FAM13B: variants seen among roughly 807,000 people sequenced by gnomAD.
FAM13B encodes the protein family with sequence similarity 13 member B.
FAM13B carries 60 observed loss-of-function variants against 117.3 expected under a neutral mutation model. That is an observed-to-expected ratio of 0.51 (90% CI 0.42 to 0.63). The LOEUF is 0.63. FAM13B is among the 30% of genes least tolerant of loss of function. FAM13B has a pLI of 0.00. For synonymous variants in FAM13B, 332 were observed against 356.1 expected, an observed-to-expected ratio of 0.93 and a Z score of 0.76; for missense variants, 972 against 1,091.9, an observed-to-expected ratio of 0.89 and a Z score of 1.55.
chr5:137,947,629 T>C (rs1763806263), intron 18 of FAM13B, among the ~76,000 whole-genome samples: 1 of 152,070 alleles, frequency 6.6e-6, no homozygotes, highest in Non-Finnish European at 1.5e-5. Flanking sequence ...TTGCCCAGGC[T>C]TGAGTGCAAT....
chr5:137,952,817 T>C, intron 16 of FAM13B, 108 bp from the exon 17 acceptor site: 2 of 651,460 alleles, frequency 3.1e-6, no homozygotes, highest in Non-Finnish European at 5.2e-6. Context: ...TGCTCAATTC[T>C]CATTTCATCT....
At chr5:138,050,783 C>G (rs1015858249) in intron 1 of FAM13B, among the ~76,000 whole-genome samples, 3 of 152,202 alleles carry the variant, frequency 2.0e-5, no homozygotes, top group Non-Finnish European at 2.9e-5. Context: ...GCTCTTCCCA[C>G]CCTTCCAGAC....
intron 6 of FAM13B, among the ~76,000 whole-genome samples, chr5:138,008,347 T>G (rs1043067580): frequency 3.3e-5 from 5 of 152,028 alleles, no homozygotes. Flanking sequence ...GAGACTGAGG[T>G]AGGAGAATCA....
intron 7 of FAM13B, among the ~76,000 whole-genome samples, chr5:138,002,132 A>G (rs1781419550): frequency 6.6e-6 from 1 of 152,254 alleles, no homozygotes; most frequent in Non-Finnish European, 1.5e-5. Context: ...AACAACAGAC[A>G]TGTTATACTA....
intron 7 of FAM13B, among the ~76,000 whole-genome samples, chr5:137,989,311 T>C (rs1486033186): frequency 1.3e-5 from 2 of 152,248 alleles, no homozygotes; most frequent in Non-Finnish European, 2.9e-5. Flanking sequence ...TACCATTCAT[T>C]CACTCAGCAA....
At chr5:138,045,202 A>C (rs1339145713) in intron 1 of FAM13B, among the ~76,000 whole-genome samples, 1 of 152,174 alleles carries the variant, frequency 6.6e-6, no homozygotes, top group Non-Finnish European at 1.5e-5. Context: ...CTCCAGCCAC[A>C]GAAGGATAGA....
At chr5:138,006,906 C>G in intron 7 of FAM13B, 84 bp downstream of exon 7, 4 of 1,280,542 alleles carry the variant, frequency 3.1e-6, no homozygotes, top group Non-Finnish European at 4.2e-6. Context: ...CATATAGTTA[C>G]AGTTTGTGTT....
At chr5:138,010,305 TTTTAAAATCA>T (rs1395477759) in intron 6 of FAM13B, among the ~76,000 whole-genome samples, 1 of 152,178 alleles carries the variant, frequency 6.6e-6, no homozygotes, top group East Asian at 1.9e-4. Flanking sequence ...ATATCACACT[TTTTAAAATCA>T]TTTTGTGGGG....
At chr5:137,993,635 A>G (rs1779181554) in intron 7 of FAM13B, among the ~76,000 whole-genome samples, 1 of 151,314 alleles carries the variant, frequency 6.6e-6, no homozygotes, top group Admixed American at 6.6e-5. Context: ...AAATACAAAA[A>G]AATTAGCTAG....
chr5:138,035,805 G>A (rs535039861), upstream of FAM13B, among the ~76,000 whole-genome samples: 6 of 152,194 alleles, frequency 3.9e-5, no homozygotes, highest in Non-Finnish European at 7.3e-5. Flanking sequence ...AGAAAAAGGA[G>A]CAGGAAAGTT....
At chr5:137,988,444 G>GT in intron 7 of FAM13B, 129 bp from the exon 8 acceptor site, 1 of 646,228 alleles carries the variant, frequency 1.5e-6, no homozygotes. Context: ...TTGTATTCTT[G>GT]TTTACATATC....
chr5:137,943,175 T>C lies in FAM13B; in HGVS notation c.2382A>G (p.Pro794=), dbSNP rs1352530923. The C allele has an allele frequency of 1.2e-6, 2 of 1,614,006 alleles. No individual in the cohort carries two copies. Among genetic ancestry groups the C allele is most frequent in the Non-Finnish European group, 1.7e-6 (2 of 1,179,990 alleles). Residue 794 remains proline (P), a synonymous_variant, in exon 21 of 24, where the codon CCA becomes CCG. Coordinates refer to ENST00000689681, the MANE Select transcript of FAM13B (RefSeq NM_001385994.1). The stretch of plus-strand genomic sequence containing the variant: ...AATGTGCAGTTTCTCCTTCTATGAT[T>C]GGCTGTAACATCTGACCCCTTCGCT... ...STKRRGQMLQ[P]IIEGETAHFF...
At chr5:138,022,588 A>G (rs997959147) in intron 1 of FAM13B, among the ~76,000 whole-genome samples, 1 of 152,228 alleles carries the variant, frequency 6.6e-6, no homozygotes, top group African/African-American at 2.4e-5. Context: ...CTGCTAAGAC[A>G]TGTAGTTAAT....
chr5:137,969,573 G>A (rs552937287), intron 10 of FAM13B, among the ~76,000 whole-genome samples: 1,631 of 152,320 alleles, frequency 0.011, 29 homozygotes, highest in African/African-American at 0.037. Context: ...CCAAAGGAAC[G>A]CAGTTCCTCA....
chr5:138,031,984 T>C lies in FAM13B; in HGVS notation c.-203+798A>G, dbSNP rs543208554. On this transcript the variant is annotated intron_variant, in intron 1 of 23. Coordinates refer to ENST00000689681, the MANE Select transcript of FAM13B (RefSeq NM_001385994.1). The stretch of plus-strand genomic sequence containing the variant: ...TGATTCTGGCTACCATTTTAGATTA[T>C]CAGATCCTTCAAAGTAAATGCCCAA... Among the ~76,000 whole-genome samples the C allele has an allele frequency of 8.4e-4, 128 of 152,346 alleles. No individual in the cohort carries two copies. In the Middle Eastern group the frequency reaches 0.027, roughly 32 times the overall value.
rs577020398 is a variant in FAM13B, at chr5:138,016,324, A to G, written c.370+1978T>C. 5.3e-5 allele frequency among the ~76,000 whole-genome samples: 8 copies of G among 152,354 alleles called. No homozygotes were observed. In the South Asian group the frequency reaches 1.2e-3, roughly 24 times the overall value. On this transcript the variant is annotated intron_variant, in intron 4 of 23. Coordinates refer to ENST00000689681, the MANE Select transcript of FAM13B (RefSeq NM_001385994.1). Reference sequence around the variant, plus strand: ...GCTGTCATAATTTTAAATGAAAACCAGGCCAGGTACAATGGCTCACTCCTA... The same window carrying G: ...GCTGTCATAATTTTAAATGAAAACCGGGCCAGGTACAATGGCTCACTCCTA...
Position 137,952,638 on chromosome 5 carries a change from C to T in FAM13B, c.1920G>A (p.Lys640=), listed in dbSNP as rs751110810. The T allele has an allele frequency of 1.3e-6, 2 of 1,593,714 alleles. No homozygotes were observed. The highest frequency in any genetic ancestry group is 1.7e-4 in the Middle Eastern group (1 of 5,994). The change falls in exon 17 of 24, where the codon AAG becomes AAA. Residue 640 remains lysine, a synonymous_variant. Transcript: ENST00000689681. The stretch of plus-strand genomic sequence containing the variant: ...TGGCACATAATATACCTTTAATTTG[C>T]TTCCGCAGTTTTGTAAGCTCTGTCA... ...KWMTELTKLR[K]QIKDAKHKNS... is the part of the protein sequence containing the mutation.
At position 137,940,143 on chromosome 5, in the gene FAM13B, T is replaced by C. The variant is rs761294707; in HGVS notation, c.*82A>G. The C allele has an allele frequency of 1.9e-6, 3 of 1,613,978 alleles. No homozygotes were observed. The highest frequency in any genetic ancestry group is 8.5e-7 in the Non-Finnish European group (1 of 1,179,868). ...TTCTCTGAGTGCCTGACAAAACGAA[T>C]TTAAGTACCAGCCAAGTACACACGA... On this transcript the variant is annotated 3_prime_UTR_variant, in exon 24 of 24. Transcript: ENST00000689681.
At position 137,955,633 on chromosome 5, in the gene FAM13B, A is replaced by G. The variant is rs151231670; in HGVS notation, c.1507+844T>C. ...CCATCTACACATTAGCTTTTTATTT[A>G]TTTATTTATTTTTTTAGAGATGGAG... On this transcript the variant is annotated intron_variant, in intron 14 of 23. Coordinates refer to ENST00000689681, the MANE Select transcript of FAM13B (RefSeq NM_001385994.1). Among the ~76,000 whole-genome samples the G allele has an allele frequency of 3.8e-4, 58 of 152,138 alleles. No individual in the cohort carries two copies. In the East Asian group the frequency reaches 9.5e-3, roughly 25 times the overall value.
Sources: gnomAD v4.1 joint callset for allele counts (sites outside exome capture counted in the v4.1 genomes callset) on GRCh38, gnomAD v4.1.1 for gene constraint, MANE v1.5 for transcripts, NCBI Gene and HGNC (gene_info 2026-07-23, HGNC 2026-07-21) for gene names.